SETX: variants seen among roughly 807,000 people sequenced by gnomAD.
SETX encodes helicase senataxin.
A neutral mutation model predicts 227.2 loss-of-function variants in SETX; 90 were observed. The observed-to-expected ratio is 0.40, with a 90% CI of 0.33 to 0.47. SETX has a LOEUF of 0.47. SETX is among the 20% of genes least tolerant of loss of function. The probability of loss-of-function intolerance (pLI) is 0.91; values close to 1 mark genes in which losing one functional copy is unlikely to be tolerated. For synonymous variants in SETX, 1,210 were observed against 1,113.2 expected (o/e 1.09, Z -1.73); for missense variants, 3,052 against 3,181.5 (o/e 0.96, Z 0.98).
chr9:132,273,468 A>C (rs1439418192), intron 23 of SETX, among the ~76,000 whole-genome samples: 1 of 152,158 alleles, frequency 6.6e-6, no homozygotes, highest in Non-Finnish European at 1.5e-5. Flanking sequence ...CGGCCTATTT[A>C]GGTGTTCTTT....
At chr9:132,304,178 A>G (rs1464401673) in intron 11 of SETX, among the ~76,000 whole-genome samples, 3 of 152,216 alleles carry the variant, frequency 2.0e-5, no homozygotes, top group Non-Finnish European at 4.4e-5. Context: ...CTCAAGTGTG[A>G]AAACACTAAT....
chr9:132,334,734 G>C lies in SETX; in HGVS notation c.719-7C>G. The stretch of plus-strand genomic sequence containing the variant: ...GTCAGCAACATGCAAATACCTGTAA[G>C]ATCATTTAGAGTTATCTTGAATTGA... On this transcript the variant is annotated splice_polypyrimidine_tract_variant and splice_region_variant and intron_variant, in intron 6 of 25. Coordinates refer to ENST00000224140, the MANE Select transcript of SETX (RefSeq NM_015046.7). 6.2e-7 allele frequency: 1 copy of C among 1,613,858 alleles called. No homozygotes were observed. Among genetic ancestry groups the C allele is most frequent in the South Asian group, 1.1e-5 (1 of 91,076 alleles).
At chr9:132,298,005 A>G (rs1472584300) in intron 13 of SETX, 75 bp downstream of exon 13, 1 of 1,253,144 alleles carries the variant, frequency 8.0e-7, no homozygotes. Context: ...ACATATAGGA[A>G]TACATAGCAG....
chr9:132,287,559 TC>T (rs1241606770), intron 17 of SETX, among the ~76,000 whole-genome samples: 27 of 152,158 alleles, frequency 1.8e-4, no homozygotes, highest in Non-Finnish European at 3.8e-4. Context: ...CACAGCCACA[TC>T]CATTTGTTTA....
chr9:132,267,616 G>C (rs899088547), intron 25 of SETX, among the ~76,000 whole-genome samples: 3 of 152,246 alleles, frequency 2.0e-5, no homozygotes, highest in African/African-American at 7.2e-5. Context: ...GACATGTCGG[G>C]AAGTTTCAGA....
chr9:132,332,545 T>C (rs1847306974), intron 7 of SETX, among the ~76,000 whole-genome samples: 1 of 152,216 alleles, frequency 6.6e-6, no homozygotes. Context: ...TCTGAAACAG[T>C]GCCTGTGTCT....
intron 3 of SETX, among the ~76,000 whole-genome samples, chr9:132,348,081 A>T (rs148489856): frequency 1.5e-3 from 224 of 151,576 alleles, no homozygotes; most frequent in African/African-American, 4.6e-3. Flanking sequence ...AACCCTGGCC[A>T]GGCGCAGTGG....
chr9:132,284,841 T>C (rs572670697), intron 18 of SETX, among the ~76,000 whole-genome samples: 2 of 152,286 alleles, frequency 1.3e-5, no homozygotes, highest in African/African-American at 4.8e-5. Flanking sequence ...GGTGACTTTT[T>C]TTTTTTAATA....
intron 25 of SETX, among the ~76,000 whole-genome samples, chr9:132,268,281 A>T (rs1246962402): frequency 1.3e-5 from 2 of 152,200 alleles, no homozygotes; most frequent in Non-Finnish European, 2.9e-5. Flanking sequence ...TTTTAGGCCG[A>T]GGTGGGATGA....
intron 11 of SETX, among the ~76,000 whole-genome samples, chr9:132,305,515 C>T (rs1022047948): frequency 1.3e-5 from 2 of 151,852 alleles, no homozygotes; most frequent in African/African-American, 2.4e-5. Context: ...CTTAACAAAG[C>T]GATGCAAGTT....
intron 2 of SETX, among the ~76,000 whole-genome samples, 173 bp from the exon 3 acceptor site, chr9:132,349,608 C>A (rs1309864933): frequency 2.0e-5 from 3 of 152,128 alleles, no homozygotes. Context: ...TAAAAAAATC[C>A]TTCTATTTTT....
Position 132,339,671 on chromosome 9 carries a change from G to A in SETX, c.498+3019C>T, listed in dbSNP as rs144017029. ...CTTGTTGCCCAGGCTGGAGTTCAAT[G>A]TTGCAATCTCGGCTCACTGCAACCC... On this transcript the variant is annotated intron_variant, in intron 5 of 25. Coordinates refer to ENST00000224140, the MANE Select transcript of SETX (RefSeq NM_015046.7). 3.4e-3 allele frequency among the ~76,000 whole-genome samples: 524 copies of A among 152,252 alleles called. 1 individual carries two copies. The highest frequency in any genetic ancestry group is 5.5e-3 in the Non-Finnish European group (376 of 68,024).
chr9:132,290,244 T>A (rs1844209327), intron 15 of SETX, among the ~76,000 whole-genome samples: 1 of 145,814 alleles, frequency 6.9e-6, no homozygotes, highest in South Asian at 2.2e-4. Context: ...TTATTCGTCT[T>A]TATTTTTTTT....
At chr9:132,266,867 C>T (rs962822714) in intron 25 of SETX, among the ~76,000 whole-genome samples, 2 of 152,192 alleles carry the variant, frequency 1.3e-5, no homozygotes, top group Non-Finnish European at 2.9e-5. Flanking sequence ...TGCTAAATTG[C>T]CAACCTTATT....
At chr9:132,274,152 G>A (rs1589616035) in intron 23 of SETX, among the ~76,000 whole-genome samples, 1 of 152,036 alleles carries the variant, frequency 6.6e-6, no homozygotes, top group East Asian at 1.9e-4. Context: ...ATAAATCCTT[G>A]TAATAACCTG....
intron 22 of SETX, among the ~76,000 whole-genome samples, chr9:132,276,831 T>C (rs1843189013): frequency 6.6e-6 from 1 of 152,224 alleles, no homozygotes; most frequent in Non-Finnish European, 1.5e-5. Flanking sequence ...CACGTCTGTT[T>C]CCCTCACTGC....
At chr9:132,294,846 A>G (rs1009146342) in intron 15 of SETX, among the ~76,000 whole-genome samples, 2 of 152,232 alleles carry the variant, frequency 1.3e-5, no homozygotes, top group South Asian at 2.1e-4. Flanking sequence ...AAGGCAGAGT[A>G]GCCATACCAG....
chr9:132,334,762 AAAT>A, intron 6 of SETX, 35 bp from the exon 7 acceptor site: 1 of 1,609,714 alleles, frequency 6.2e-7, no homozygotes, highest in Admixed American at 1.7e-5. Context: ...TGAATTGATG[AAAT>A]AATACTATAC....
intron 15 of SETX, among the ~76,000 whole-genome samples, chr9:132,292,372 T>C (rs1353291455): frequency 7.5e-6 from 1 of 134,110 alleles, no homozygotes; most frequent in Non-Finnish European, 1.5e-5. Context: ...AAGGCTGCAC[T>C]GAGCCATGAT....
Sources: allele counts gnomAD v4.1 joint callset (sites outside exome capture counted in the v4.1 genomes callset), GRCh38; gene constraint gnomAD v4.1.1; transcripts MANE v1.5; gene names NCBI Gene and HGNC (gene_info 2026-07-23, HGNC 2026-07-21).